CIMAP1D: variants seen among roughly 807,000 people sequenced by gnomAD.
The protein encoded by CIMAP1D is protein CIMAP1D.
chr19:472,462 C>A, the CIMAP1D span: 1 of 1,547,248 alleles, frequency 6.5e-7, no homozygotes, highest in Non-Finnish European at 8.7e-7. Context: ...GTTGATGAAG[C>A]CCACGGTGGA....
the CIMAP1D span, among the ~76,000 whole-genome samples, chr19:479,972 A>G: frequency 1.3e-5 from 2 of 152,208 alleles, no homozygotes; most frequent in Non-Finnish European, 2.9e-5. Flanking sequence ...CCCTTCGTTC[A>G]GTCTTATAAT....
the CIMAP1D span, among the ~76,000 whole-genome samples, chr19:464,772 C>T: frequency 2.6e-5 from 4 of 152,146 alleles, no homozygotes; most frequent in Non-Finnish European, 5.9e-5. Context: ...CAAATTTACT[C>T]CAACTCTCCA....
At chr19:490,036 G>A in the CIMAP1D span, 1 of 398,570 alleles carries the variant, frequency 2.5e-6, no homozygotes, top group Non-Finnish European at 4.4e-6. Context: ...AGAAATGGGT[G>A]GTAGTAAGTA....
At chr19:474,788 G>T in the CIMAP1D span, 3 of 1,418,544 alleles carry the variant, frequency 2.1e-6, no homozygotes, top group Non-Finnish European at 2.8e-6. Context: ...ACGGGGCCTG[G>T]TGCTACCTTC....
chr19:487,813 G>A, the CIMAP1D span, among the ~76,000 whole-genome samples: 5 of 152,264 alleles, frequency 3.3e-5, no homozygotes, highest in African/African-American at 1.2e-4. Context: ...AAAGAAAGAA[G>A]TAAAAACTAA....
chr19:465,060 T>G, the CIMAP1D span, among the ~76,000 whole-genome samples: 1 of 139,582 alleles, frequency 7.2e-6, no homozygotes, highest in Admixed American at 7.1e-5. Context: ...AGATGATGGA[T>G]GGATGGATGG....
At chr19:464,123 A>G in the CIMAP1D span, 1 of 561,378 alleles carries the variant, frequency 1.8e-6, no homozygotes, top group Non-Finnish European at 2.7e-6. Context: ...TCTCAGCAGG[A>G]TCCTGCGGGG....
chr19:491,116 C>A, the CIMAP1D span, among the ~76,000 whole-genome samples: 1 of 146,766 alleles, frequency 6.8e-6, no homozygotes, highest in Non-Finnish European at 1.5e-5. Context: ...AAAAAGTCTA[C>A]AAATACAAAA....
the CIMAP1D span, among the ~76,000 whole-genome samples, chr19:471,031 C>A: frequency 1.3e-5 from 2 of 152,336 alleles, no homozygotes; most frequent in Admixed American, 1.3e-4. Context: ...GCCCGGGGAG[C>A]CCCCACCTTC....
the CIMAP1D span, chr19:472,262 C>T: frequency 4.4e-6 from 2 of 456,724 alleles, no homozygotes; most frequent in Non-Finnish European, 7.6e-6. Flanking sequence ...GCAGGTTGTA[C>T]AGCCCAGCCC....
chr19:479,527 C>T, the CIMAP1D span, among the ~76,000 whole-genome samples: 1 of 151,874 alleles, frequency 6.6e-6, no homozygotes, highest in Non-Finnish European at 1.5e-5. Flanking sequence ...GCCTCAGCCT[C>T]TCGCGTAGCT....
the CIMAP1D span, among the ~76,000 whole-genome samples, chr19:476,857 T>A: frequency 3.9e-4 from 60 of 152,270 alleles, no homozygotes; most frequent in African/African-American, 1.4e-3. Flanking sequence ...TATTAAACTG[T>A]GTAGGATGCA....
the CIMAP1D span, among the ~76,000 whole-genome samples, chr19:474,263 C>G: frequency 1.3e-5 from 2 of 152,216 alleles, no homozygotes; most frequent in South Asian, 2.1e-4. Context: ...ACGCGCCCCT[C>G]GCCCTGCCCC....
At chr19:467,568 G>C in the CIMAP1D span, 6 of 890,646 alleles carry the variant, frequency 6.7e-6, no homozygotes, top group South Asian at 1.3e-5. Context: ...AAGGATAAGA[G>C]GGGGAGGGAG....
the CIMAP1D span, chr19:467,732 A>T: frequency 1.4e-5 from 23 of 1,609,268 alleles, no homozygotes; most frequent in Non-Finnish European, 1.9e-5. Context: ...CAAGAAGTAG[A>T]TGGGGCCCGG....
At chr19:477,932 G>GC in the CIMAP1D span, among the ~76,000 whole-genome samples, 2 of 152,154 alleles carry the variant, frequency 1.3e-5, no homozygotes, top group Non-Finnish European at 2.9e-5. Context: ...CCTCCCTCGA[G>GC]CCCCTAAGAC....
the CIMAP1D span, among the ~76,000 whole-genome samples, chr19:481,405 G>GATGATGGGAAGC: frequency 8.6e-6 from 1 of 116,564 alleles, no homozygotes; most frequent in East Asian, 3.0e-4. Context: ...GATGGGGAAG[G>GATGATGGGAAGC]ATGATGGGAA....
chr19:491,045 G>C, the CIMAP1D span, among the ~76,000 whole-genome samples: 1 of 151,820 alleles, frequency 6.6e-6, no homozygotes, highest in African/African-American at 2.4e-5. Flanking sequence ...GCAGTGAGCT[G>C]AGATCGTGCC....
chr19:466,052 G>A, the CIMAP1D span, among the ~76,000 whole-genome samples: 1 of 143,276 alleles, frequency 7.0e-6, no homozygotes, highest in African/African-American at 2.9e-5. Context: ...ATGGGTGGGT[G>A]GATGGATGAG....
Sources: allele counts gnomAD v4.1 joint callset (sites outside exome capture counted in the v4.1 genomes callset), GRCh38; gene constraint gnomAD v4.1.1; transcripts MANE v1.5; gene names NCBI Gene and HGNC (gene_info 2026-07-23, HGNC 2026-07-21).